The following KIAA1217 variants were observed in gnomAD, a reference collection of about 807,000 sequenced individuals.
The protein encoded by KIAA1217 is sickle tail protein homolog.
Under a neutral mutation model 163.9 loss-of-function variants are expected in KIAA1217, and 88 were observed. The observed-to-expected ratio is 0.54, with a 90% CI of 0.45 to 0.64. The LOEUF (loss-of-function observed/expected upper bound fraction) is 0.64, where lower values mean the gene tolerates loss of function less well. KIAA1217 is among the 30% of genes least tolerant of loss of function. KIAA1217 has a pLI of 0.00. For synonymous variants in KIAA1217, 903 were observed against 923.1 expected, an observed-to-expected ratio of 0.98 and a Z score of 0.39; for missense variants, 2,372 against 2,475.0, an observed-to-expected ratio of 0.96 and a Z score of 0.88.
At chr10:24,300,968 A>G (rs752447586) in intron 2 of KIAA1217, among the ~76,000 whole-genome samples, 2 of 151,718 alleles carry the variant, frequency 1.3e-5, no homozygotes, top group Non-Finnish European at 2.9e-5. Flanking sequence ...ACCAGCCACC[A>G]CGCCCGGCTG....
chr10:24,524,805 T>A (rs1266325760), intron 13 of KIAA1217, 41 bp downstream of exon 13: 1 of 1,487,494 alleles, frequency 6.7e-7, no homozygotes, highest in South Asian at 1.3e-5. Context: ...CATAAAGGAG[T>A]CTGATACATG....
In KIAA1217 at chr10:24,425,992, G is replaced by A. The variant is rs549678563; in HGVS notation, c.554-7003G>A. The stretch of plus-strand genomic sequence containing the variant: ...GAAAACTTATTTCCCATCAGAAAAC[G>A]CAATAAGAATCCTTTATATATTTAA... On this transcript the variant is annotated intron_variant, in intron 3 of 20. Coordinates refer to ENST00000376454, the MANE Select transcript of KIAA1217 (RefSeq NM_019590.5). 7.6e-4 allele frequency among the ~76,000 whole-genome samples: 116 copies of A among 152,192 alleles called. 1 individual carries two copies. The highest frequency in any genetic ancestry group is 2.7e-3 in the South Asian group (13 of 4,808).
chr10:24,234,566 G>GACT (rs2071927334), intron 2 of KIAA1217, among the ~76,000 whole-genome samples: 1 of 148,320 alleles, frequency 6.7e-6, no homozygotes, highest in South Asian at 2.1e-4. Context: ...CAGAGCTGAG[G>GACT]CAGAATTGCT....
At chr10:24,346,331 G>T (rs920723744) in intron 2 of KIAA1217, among the ~76,000 whole-genome samples, 11 of 151,808 alleles carry the variant, frequency 7.2e-5, no homozygotes, top group Admixed American at 3.3e-4. Flanking sequence ...TATTTGCTGG[G>T]CATGGTGGCG....
At chr10:24,230,467 T>G (rs1256353644) in intron 2 of KIAA1217, among the ~76,000 whole-genome samples, 1 of 150,220 alleles carries the variant, frequency 6.7e-6, no homozygotes, top group African/African-American at 2.4e-5. Flanking sequence ...CCATCCTCTC[T>G]ACAACTCTGT....
In KIAA1217 at chr10:23,715,833, A is replaced by G. The variant is rs140377383; in HGVS notation, c.-321+20599A>G. ...CTTACATGACACTTTAACTTTTACA[A>G]CATTTTATTTAAAAGATAAATGTCA... On this transcript the variant is annotated intron_variant, in intron 1 of 18. Coordinates refer to the KIAA1217 transcript ENST00000376462. 9.4e-3 allele frequency among the ~76,000 whole-genome samples: 1,439 copies of G among 152,310 alleles called. 21 individuals carry two copies. The highest frequency in any genetic ancestry group is 0.033 in the African/African-American group (1,369 of 41,570).
At chr10:23,757,244 A>G (rs1196264906) in intron 1 of KIAA1217, among the ~76,000 whole-genome samples, 1 of 152,130 alleles carries the variant, frequency 6.6e-6, no homozygotes, top group Non-Finnish European at 1.5e-5. Flanking sequence ...CTCAGTAGGA[A>G]AATTGCTGGA....
intron 12 of KIAA1217, among the ~76,000 whole-genome samples, chr10:24,523,385 C>T (rs2071596225): frequency 6.6e-6 from 1 of 151,968 alleles, no homozygotes; most frequent in South Asian, 2.1e-4. Flanking sequence ...GAGAACAAAT[C>T]CTTGGGGATC....
At chr10:24,513,511 C>A (rs553169639) in intron 10 of KIAA1217, 77 bp downstream of exon 10, 1 of 1,435,732 alleles carries the variant, frequency 7.0e-7, no homozygotes, top group South Asian at 1.3e-5. Context: ...GAGGTCCTTC[C>A]CAGTTGGTGG....
chr10:23,713,279 T>C (rs1245982618), intron 1 of KIAA1217, among the ~76,000 whole-genome samples: 3 of 152,154 alleles, frequency 2.0e-5, no homozygotes, highest in Non-Finnish European at 4.4e-5. Flanking sequence ...CTAACTATCA[T>C]ACTGAGTTAT....
intron 2 of KIAA1217, among the ~76,000 whole-genome samples, chr10:24,073,158 A>C (rs190866877): frequency 6.6e-6 from 1 of 152,130 alleles, no homozygotes; most frequent in Non-Finnish European, 1.5e-5. Context: ...CAATTTATAT[A>C]CTCAGCTCAG....
chr10:23,718,408 CA>C (rs1303220387), intron 1 of KIAA1217, among the ~76,000 whole-genome samples: 1 of 152,082 alleles, frequency 6.6e-6, no homozygotes, highest in African/African-American at 2.4e-5. Context: ...AATTTTGTGT[CA>C]GAGGGAAATA....
rs2068875859 is a variant in KIAA1217, at chr10:24,216,798, G to A, written c.71-2828G>A. Among the ~76,000 whole-genome samples the A allele has an allele frequency of 2.1e-5, 3 of 144,222 alleles. No homozygotes were observed. The Admixed American group carries it at 2.1e-4, about 10-fold the overall frequency. 94.6% of individuals were successfully genotyped at this position (144,222 alleles called of 152,430 possible). On this transcript the variant is annotated intron_variant, in intron 1 of 20. Transcript: ENST00000376454. ...GCTGAGATCGCACCACTGCACTCCAGCCTGAGTGATGGAGTGAGACTCTGT... is the reference window on the plus strand; with the variant it reads ...GCTGAGATCGCACCACTGCACTCCAACCTGAGTGATGGAGTGAGACTCTGT...
rs751890090 is a variant in KIAA1217 at position 23,953,367 on chromosome 10, A to C, written c.-320-53858A>C. Among the ~76,000 whole-genome samples the C allele has an allele frequency of 2.6e-5, 4 of 152,360 alleles. No individual in the cohort carries two copies. In the East Asian group the frequency reaches 7.7e-4, roughly 29 times the overall value. On this transcript the variant is annotated intron_variant, in intron 1 of 18. Coordinates refer to the KIAA1217 transcript ENST00000376462. ...GAATCCAGGGTCCTTTCAGCTTAAG[A>C]CATTATCTCAATATATGGCTCTCAA...
chr10:23,893,247 C>T (rs1260876467), intron 1 of KIAA1217, among the ~76,000 whole-genome samples: 1 of 152,034 alleles, frequency 6.6e-6, no homozygotes, highest in Non-Finnish European at 1.5e-5. Flanking sequence ...GGAATTTATC[C>T]ATTTCTTCCA....
At chr10:23,984,062 A>C (rs1845874785) in intron 1 of KIAA1217, among the ~76,000 whole-genome samples, 1 of 152,198 alleles carries the variant, frequency 6.6e-6, no homozygotes. Flanking sequence ...CAGTTCCAAA[A>C]TCCACTGGAC....
rs183117784 is a variant in KIAA1217, at chr10:24,157,336, G to T, written c.-170-62290G>T. On this transcript the variant is annotated intron_variant, in intron 2 of 18. Coordinates refer to the KIAA1217 transcript ENST00000376462. The stretch of plus-strand genomic sequence containing the variant: ...AAATCCCTTGCATACTTCTTTATTG[G>T]GTTGTTTATTTTCTTACTGTTGAAA... Among the ~76,000 whole-genome samples the T allele has an allele frequency of 8.6e-5, 13 of 152,032 alleles. No homozygotes were observed. In the East Asian group the frequency reaches 1.9e-3, roughly 23 times the overall value.
chr10:24,503,978 C>T (rs996234777), intron 9 of KIAA1217, among the ~76,000 whole-genome samples: 12 of 152,180 alleles, frequency 7.9e-5, no homozygotes, highest in African/African-American at 2.7e-4. Flanking sequence ...GCATAAATGC[C>T]GCACTTCCCC....
intron 14 of KIAA1217, among the ~76,000 whole-genome samples, chr10:24,529,420 TTG>T (rs1182290704): frequency 6.6e-6 from 1 of 152,170 alleles, no homozygotes; most frequent in Non-Finnish European, 1.5e-5. Context: ...ATTACTTCAT[TTG>T]TGTGGATTCA....
Sources: gnomAD v4.1 joint callset for allele counts (sites outside exome capture counted in the v4.1 genomes callset) on GRCh38, gnomAD v4.1.1 for gene constraint, MANE v1.5 for transcripts, NCBI Gene and HGNC (gene_info 2026-07-23, HGNC 2026-07-21) for gene names.